SLC13A1: variants seen among roughly 807,000 people sequenced by gnomAD.
The protein encoded by SLC13A1 is Na(+)/sulfate cotransporter.
SLC13A1 carries 65 observed loss-of-function variants against 70.0 expected under a neutral mutation model. That is an observed-to-expected ratio of 0.93 (90% CI 0.76 to 1.14). The LOEUF (loss-of-function observed/expected upper bound fraction) is 1.14. Ranked by LOEUF, SLC13A1 falls within the 50% of genes most tolerant of loss-of-function variation. The probability of loss-of-function intolerance (pLI) is 0.00; values close to 1 mark genes in which losing one functional copy is unlikely to be tolerated. For synonymous variants in SLC13A1, 275 were observed against 250.5 expected, an observed-to-expected ratio of 1.10 and a Z score of -0.92; for missense variants, 726 against 717.8, an observed-to-expected ratio of 1.01 and a Z score of -0.13.
intron 2 of SLC13A1, among the ~76,000 whole-genome samples, chr7:123,178,484 T>C (rs1795530058): frequency 6.6e-6 from 1 of 152,176 alleles, no homozygotes; most frequent in Non-Finnish European, 1.5e-5. Context: ...TTAGTTTGTA[T>C]CATTGTTTAA....
rs767082066 is a variant in SLC13A1 at position 123,117,460 on chromosome 7, AGCTAACT to A, written c.1650+4_1650+10del. ...TATTGGATTTGATAGTATTTTTTTC[AGCTAACT>A]CACCATGTCAATGACTTTCAGATGA... On this transcript the variant is annotated splice_donor_5th_base_variant and intron_variant, in intron 14 of 14. Transcript: ENST00000194130. 27 of 1,608,606 alleles carry A rather than the reference AGCTAACT, an allele frequency of 1.7e-5. No homozygotes were observed. The highest frequency in any genetic ancestry group is 2.1e-5 in the Non-Finnish European group (25 of 1,176,798).
intron 7 of SLC13A1, among the ~76,000 whole-genome samples, chr7:123,138,076 C>T (rs1283500015): frequency 1.3e-5 from 2 of 152,078 alleles, no homozygotes; most frequent in African/African-American, 4.8e-5. Context: ...CCCTATTATC[C>T]TTCCCAGTCT....
intron 6 of SLC13A1, among the ~76,000 whole-genome samples, chr7:123,168,161 T>C (rs1795134499): frequency 1.3e-5 from 2 of 152,164 alleles, no homozygotes; most frequent in Admixed American, 6.6e-5. Flanking sequence ...ATAATGATAC[T>C]AATTTTCAGA....
At chr7:123,199,748 CAT>C (rs1284686234) in intron 1 of SLC13A1, 98 bp downstream of exon 1, 6 of 817,460 alleles carry the variant, frequency 7.3e-6, no homozygotes, top group Non-Finnish European at 1.2e-5. Flanking sequence ...GGTCAACATT[CAT>C]TCAGCTCTGA....
intron 6 of SLC13A1, among the ~76,000 whole-genome samples, chr7:123,156,062 TC>T (rs149874582): frequency 0.029 from 4,373 of 152,228 alleles, 207 homozygotes; most frequent in African/African-American, 0.1. Flanking sequence ...AATTTTTTCT[TC>T]CTCCTGCTTT....
intron 2 of SLC13A1, 141 bp downstream of exon 2, chr7:123,180,832 G>A (rs1795612723): frequency 2.6e-6 from 2 of 771,334 alleles, no homozygotes; most frequent in Non-Finnish European, 2.0e-6. Context: ...GAATGCCAGA[G>A]AGGAGAAACA....
chr7:123,178,033 C>CTCTCTCTATATA (rs761704605), intron 2 of SLC13A1, among the ~76,000 whole-genome samples: 156 of 149,950 alleles, frequency 1.0e-3, no homozygotes, highest in Non-Finnish European at 1.6e-3. Context: ...CTCTCTCTCT[C>CTCTCTCTATATA]TATATATATA....
chr7:123,164,923 G>T (rs978246467), intron 6 of SLC13A1, among the ~76,000 whole-genome samples: 3 of 150,978 alleles, frequency 2.0e-5, no homozygotes, highest in Non-Finnish European at 3.0e-5. Context: ...TTGACTTGTA[G>T]GTCAAATTCA....
intron 6 of SLC13A1, among the ~76,000 whole-genome samples, chr7:123,151,535 A>G (rs901582408): frequency 1.3e-5 from 2 of 152,064 alleles, no homozygotes; most frequent in Admixed American, 1.3e-4. Flanking sequence ...CTATAACAAC[A>G]AACACTTATA....
intron 10 of SLC13A1, among the ~76,000 whole-genome samples, chr7:123,127,075 TATC>T (rs1203211027): frequency 3.3e-5 from 5 of 152,146 alleles, no homozygotes; most frequent in Non-Finnish European, 5.9e-5. Flanking sequence ...AAACTATTCT[TATC>T]ATATTATAAC....
At chr7:123,119,858 A>G (rs1050146300) in intron 12 of SLC13A1, among the ~76,000 whole-genome samples, 2 of 151,978 alleles carry the variant, frequency 1.3e-5, no homozygotes, top group Non-Finnish European at 2.9e-5. Context: ...TTTAATGTTT[A>G]CCCCTATGAT....
intron 2 of SLC13A1, among the ~76,000 whole-genome samples, chr7:123,177,885 T>C (rs1795501417): frequency 6.6e-6 from 1 of 152,114 alleles, no homozygotes. Flanking sequence ...CCTCCTTTCC[T>C]CTAGAAAGAC....
In SLC13A1 at chr7:123,199,850, T is replaced by C; in HGVS notation, c.97A>G (p.Lys33Glu). ...GTCTGTTCTCCAGGTTCACTCACCTTGGTGTGGAGGACGATGGGCAGAGGT... is the reference window on the plus strand; with the variant it reads ...GTCTGTTCTCCAGGTTCACTCACCTCGGTGTGGAGGACGATGGGCAGAGGT... ...LLPLPIVLHTKEAECAYTLFV... is the reference protein window; with the variant it reads ...LLPLPIVLHTEEAECAYTLFV... The change falls in exon 1 of 15, where the codon AAG becomes GAG. Residue 33 changes from lysine (K) to glutamate (E), a missense_variant and splice_region_variant. By Grantham distance (56) the Lys-to-Glu change is moderately conservative (BLOSUM62 1). Transcript: ENST00000194130. 6.2e-7 allele frequency: 1 copy of C among 1,608,236 alleles called. No homozygotes were observed. The highest frequency in any genetic ancestry group is 8.5e-7 in the Non-Finnish European group (1 of 1,175,172).
chr7:123,119,114 G>T lies in SLC13A1; in HGVS notation c.1479C>A (p.Thr493=). 1 of 1,612,530 alleles carries T rather than the reference G, an allele frequency of 6.2e-7. No individual in the cohort carries two copies. The highest frequency in any genetic ancestry group is 8.5e-7 in the Non-Finnish European group (1 of 1,179,130). Reference sequence around the variant, plus strand: ...ATAATATTGGGAGAAAGAGTGTAATGGTAGCTGGATTGCTGGCTACCTCAG... The same window carrying T: ...ATAATATTGGGAGAAAGAGTGTAATTGTAGCTGGATTGCTGGCTACCTCAG... The part of the protein sequence containing the change: ...SLTEVASNPA[T]ITLFLPILSP... The change falls in exon 13 of 15, where the codon ACC becomes ACA. Residue 493 remains threonine, a synonymous_variant. Coordinates refer to ENST00000194130, the MANE Select transcript of SLC13A1 (RefSeq NM_022444.4).
intron 1 of SLC13A1, among the ~76,000 whole-genome samples, chr7:123,197,226 A>C (rs908079610): frequency 6.6e-6 from 1 of 152,152 alleles, no homozygotes; most frequent in Admixed American, 6.6e-5. Context: ...AATAACAAGC[A>C]GGAAAATGAA....
At chr7:123,167,886 C>T (rs988923154) in intron 6 of SLC13A1, among the ~76,000 whole-genome samples, 7 of 151,942 alleles carry the variant, frequency 4.6e-5, no homozygotes, top group Non-Finnish European at 8.8e-5. Flanking sequence ...GAAAATCAGT[C>T]TATTAGGCCA....
chr7:123,136,732 T>C (rs1793960631), intron 7 of SLC13A1, among the ~76,000 whole-genome samples: 1 of 151,962 alleles, frequency 6.6e-6, no homozygotes. Context: ...GGTAAACATA[T>C]AACAAAATAG....
At chr7:123,161,900 G>A (rs1349247828) in intron 6 of SLC13A1, among the ~76,000 whole-genome samples, 24 of 152,026 alleles carry the variant, frequency 1.6e-4, no homozygotes, top group Non-Finnish European at 1.5e-5. Context: ...ATTAAGCTGG[G>A]ATGTGGTATA....
chr7:123,130,992 A>T (rs915375749), intron 8 of SLC13A1, among the ~76,000 whole-genome samples: 2 of 152,222 alleles, frequency 1.3e-5, no homozygotes, highest in African/African-American at 4.8e-5. Context: ...ACTAAATGAA[A>T]AAATGGCTAG....
Sources: allele counts gnomAD v4.1 joint callset (sites outside exome capture counted in the v4.1 genomes callset), GRCh38; gene constraint gnomAD v4.1.1; transcripts MANE v1.5; gene names NCBI Gene and HGNC (gene_info 2026-07-23, HGNC 2026-07-21).